Variants in ERICH3 observed in about 807,000 individuals in gnomAD.
ERICH3 encodes glutamate rich 3.
In ERICH3, 126 loss-of-function variants were observed where a neutral mutation model predicts 131.1. The ratio of observed to expected loss-of-function variants is 0.96; its 90% confidence interval spans 0.83 to 1.11. The LOEUF is 1.11. ERICH3 is among the 50% of genes most tolerant of loss of function. The pLI is 0.00. For missense variants in ERICH3, 2,050 were observed against 1,810.7 expected (o/e 1.13, Z -2.40); for synonymous variants, 695 against 644.6 (o/e 1.08, Z -1.18).
chr1:74,660,221 T>C (rs1185727777), intron 1 of ERICH3, among the ~76,000 whole-genome samples: 1 of 152,260 alleles, frequency 6.6e-6, no homozygotes, highest in African/African-American at 2.4e-5. Context: ...TCCACCATCA[T>C]TGCAAGTTTC....
intron 1 of ERICH3, among the ~76,000 whole-genome samples, chr1:74,652,170 T>G (rs1646541285): frequency 6.6e-6 from 1 of 152,202 alleles, no homozygotes; most frequent in Non-Finnish European, 1.5e-5. Flanking sequence ...TTTTTTTAAC[T>G]GAAACTTTAC....
chr1:74,652,458 C>G (rs534197438), intron 1 of ERICH3, among the ~76,000 whole-genome samples: 2 of 152,272 alleles, frequency 1.3e-5, no homozygotes, highest in East Asian at 3.9e-4. Flanking sequence ...GCTCACTGAC[C>G]AACACAAACT....
chr1:74,593,868 C>T (rs1201580182), intron 11 of ERICH3, among the ~76,000 whole-genome samples: 1 of 152,092 alleles, frequency 6.6e-6, no homozygotes, highest in Admixed American at 6.6e-5. Context: ...TGCAATAAAA[C>T]CAAGACCCTT....
At chr1:74,613,334 G>A (rs1005365414) in intron 8 of ERICH3, among the ~76,000 whole-genome samples, 1 of 152,054 alleles carries the variant, frequency 6.6e-6, no homozygotes, top group African/African-American at 2.4e-5. Context: ...TGTGAAGTGG[G>A]AATTTTTCTA....
At chr1:74,583,520 T>G (rs1647216620) in intron 12 of ERICH3, among the ~76,000 whole-genome samples, 1 of 152,110 alleles carries the variant, frequency 6.6e-6, no homozygotes, top group African/African-American at 2.4e-5. Flanking sequence ...TCTGTCTTAT[T>G]ATACTGTACT....
chr1:74,576,888 T>C lies in ERICH3; in HGVS notation c.2218+7A>G. 1 of 1,595,682 alleles carries C rather than the reference T, an allele frequency of 6.3e-7. No homozygotes were observed. Among genetic ancestry groups the C allele is most frequent in the Non-Finnish European group, 8.5e-7 (1 of 1,173,070 alleles). On this transcript the variant is annotated splice_region_variant and intron_variant, in intron 13 of 14. Transcript: ENST00000326665. ...CTAATTGGACCTCTTGCAGATGGAA[T>C]ACTTACCACCAAGAGCCAGGACATA...
chr1:74,651,324 CA>C (rs1384980567), intron 1 of ERICH3, among the ~76,000 whole-genome samples: 2 of 152,022 alleles, frequency 1.3e-5, no homozygotes, highest in African/African-American at 4.8e-5. Flanking sequence ...GCTTAGAAAC[CA>C]AGGTGCCACA....
chr1:74,584,958 T>C (rs1647263175), intron 12 of ERICH3, among the ~76,000 whole-genome samples: 1 of 152,212 alleles, frequency 6.6e-6, no homozygotes, highest in Non-Finnish European at 1.5e-5. Context: ...ATGACAAAAT[T>C]GCATTTCATT....
Position 74,671,115 on chromosome 1 carries a change from T to C in ERICH3, c.23+2382A>G, listed in dbSNP as rs150367983. Among the ~76,000 whole-genome samples, 720 of 152,292 alleles carry C rather than the reference T, an allele frequency of 4.7e-3. 4 individuals are homozygous for C. The highest frequency in any genetic ancestry group is 0.016 in the African/African-American group (669 of 41,560). On this transcript the variant is annotated intron_variant, in intron 1 of 14. Coordinates refer to ENST00000326665, the MANE Select transcript of ERICH3 (RefSeq NM_001002912.5). ...TTAAGACGTTTATCAAGACAATATG[T>C]GCACCACTGAACATAGACCCTTATC...
intron 10 of ERICH3, among the ~76,000 whole-genome samples, chr1:74,600,425 G>T (rs1317800941): frequency 6.6e-6 from 1 of 151,830 alleles, no homozygotes; most frequent in African/African-American, 2.4e-5. Context: ...AAGTAACACT[G>T]TGAATAGCAC....
chr1:74,659,472 A>T (rs1391472262), intron 1 of ERICH3, among the ~76,000 whole-genome samples: 1 of 152,216 alleles, frequency 6.6e-6, no homozygotes, highest in Admixed American at 6.5e-5. Context: ...CTGCTGCCAG[A>T]CACAAAGGAG....
intron 9 of ERICH3, among the ~76,000 whole-genome samples, chr1:74,609,565 G>A (rs557139339): frequency 3.9e-5 from 6 of 152,052 alleles, no homozygotes; most frequent in Admixed American, 3.3e-4. Context: ...AGTCTCAAGT[G>A]AGGAAGAGGA....
rs373173004 is a variant in ERICH3 at position 74,573,070 on chromosome 1, G to C, written c.2640C>G (p.Ala880=). 1.9e-6 allele frequency: 3 copies of C among 1,614,004 alleles called. No homozygotes were observed. Among genetic ancestry groups the C allele is most frequent in the Admixed American group, 3.3e-5 (2 of 60,008 alleles). Residue 880 remains alanine (A), a synonymous_variant, in exon 14 of 15, where the codon GCC becomes GCG. Coordinates refer to ENST00000326665, the MANE Select transcript of ERICH3 (RefSeq NM_001002912.5). ...LSKDEAPEKQ[A]LMLTVLETDK... ...CTGTCTCAAGCACTGTGAGCATCAA[G>C]GCTTGCTTTTCAGGAGCCTCATCTT...
rs757559200 is a variant in ERICH3, at chr1:74,571,911, C to T, written c.3799G>A (p.Val1267Met). 46 of 1,612,586 alleles carry T rather than the reference C, an allele frequency of 2.9e-5. No homozygotes were observed. Among genetic ancestry groups the T allele is most frequent in the Non-Finnish European group, 3.9e-5 (46 of 1,180,000 alleles). Residue 1267 changes from valine (V) to methionine (M), a missense_variant, in exon 14 of 15, where the codon GTG becomes ATG. By Grantham distance (21) the Val-to-Met change is conservative (BLOSUM62 1). Transcript: ENST00000326665. Reference protein sequence around the residue: ...RAEGQGGVDVVLRTQEAVAEE... With the variant: ...RAEGQGGVDVMLRTQEAVAEE... ...GCAACAGCTTCCTGGGTCCTTAGCACGACATCCACTCCTCCTTGCCCTTCA... is the reference window on the plus strand; with the variant it reads ...GCAACAGCTTCCTGGGTCCTTAGCATGACATCCACTCCTCCTTGCCCTTCA...
At position 74,572,147 on chromosome 1, in the gene ERICH3, G is replaced by C. The variant is rs1553160229; in HGVS notation, c.3563C>G (p.Thr1188Arg). 27 of 1,613,920 alleles carry C rather than the reference G, an allele frequency of 1.7e-5. No homozygotes were observed. The highest frequency in any genetic ancestry group is 2.3e-5 in the Non-Finnish European group (27 of 1,180,014). Residue 1188 changes from threonine (T) to arginine (R), a missense_variant, in exon 14 of 15, where the codon ACA becomes AGA. Coordinates refer to ENST00000326665, the MANE Select transcript of ERICH3 (RefSeq NM_001002912.5). ...CAGCTCTTCTCTGTCTTTGTGCTCT[G>C]TGTCTCTGGCTTCACTCAGTCTTTC... ...GGERLSEARD[T>R]EHKDREELSS...
chr1:74,648,901 A>G (rs755683406), intron 2 of ERICH3, among the ~76,000 whole-genome samples: 5 of 152,114 alleles, frequency 3.3e-5, no homozygotes, highest in Non-Finnish European at 5.9e-5. Flanking sequence ...TCTATCTTCA[A>G]TTCCTAACAG....
At chr1:74,613,409 A>T (rs989440554) in intron 8 of ERICH3, among the ~76,000 whole-genome samples, 3 of 152,200 alleles carry the variant, frequency 2.0e-5, no homozygotes, top group African/African-American at 7.2e-5. Flanking sequence ...AAGATCATAC[A>T]GTGAGTTGGG....
intron 6 of ERICH3, among the ~76,000 whole-genome samples, chr1:74,632,446 C>A (rs1310572097): frequency 6.6e-6 from 1 of 151,876 alleles, no homozygotes; most frequent in East Asian, 1.9e-4. Flanking sequence ...AAATATTTAT[C>A]AAAATTTTAA....
chr1:74,632,797 A>T (rs1275785671), intron 6 of ERICH3, among the ~76,000 whole-genome samples: 1 of 152,086 alleles, frequency 6.6e-6, no homozygotes, highest in East Asian at 1.9e-4. Context: ...AATAAGAATG[A>T]CTGAAAAAAC....
Sources: gnomAD v4.1 joint callset for allele counts (sites outside exome capture counted in the v4.1 genomes callset) on GRCh38, gnomAD v4.1.1 for gene constraint, MANE v1.5 for transcripts, NCBI Gene and HGNC (gene_info 2026-07-23, HGNC 2026-07-21) for gene names.